Variants in NFATC1 observed in about 807,000 individuals in gnomAD.
The protein encoded by NFATC1 is nuclear factor of activated T-cells, cytoplasmic 1.
A neutral mutation model predicts 76.0 loss-of-function variants in NFATC1; 22 were observed. That is an observed-to-expected ratio of 0.29 (90% CI 0.21 to 0.41). NFATC1 has a LOEUF of 0.41. Among genes scored for constraint, NFATC1 ranks in the 10% least tolerant of loss-of-function variants. The pLI, the probability that NFATC1 is intolerant of heterozygous loss-of-function variation, is 1.00. For missense variants in NFATC1, 1,357 were observed against 1,337.7 expected, an observed-to-expected ratio of 1.01 and a Z score of -0.23; for synonymous variants, 704 against 613.1, an observed-to-expected ratio of 1.15 and a Z score of -2.19.
intron 1 of NFATC1, among the ~76,000 whole-genome samples, chr18:79,401,245 C>T (rs1311844535): frequency 6.6e-6 from 1 of 151,530 alleles, no homozygotes; most frequent in Non-Finnish European, 1.5e-5. Context: ...ATTCTCAAGG[C>T]CTCGTGTCTG....
rs540606473 is a variant in NFATC1 at position 79,424,507 on chromosome 18, CTCTG to C, written c.1227-9064_1227-9061del. 3.0e-3 allele frequency among the ~76,000 whole-genome samples: 451 copies of C among 152,140 alleles called. 1 individual carries two copies. Among genetic ancestry groups the C allele is most frequent in the African/African-American group, 9.7e-3 (404 of 41,502 alleles). On this transcript the variant is annotated intron_variant, in intron 2 of 9. Transcript: ENST00000427363. The stretch of plus-strand genomic sequence containing the variant: ...TCTCTCCATCTCTGTCTCTCTCCGT[CTCTG>C]TCTGTCTCTCCATCTCTGTCTCCCT...
At chr18:79,453,775 A>G (rs73969277) in intron 6 of NFATC1, among the ~76,000 whole-genome samples, 4,130 of 152,330 alleles carry the variant, frequency 0.027, 163 homozygotes, top group African/African-American at 0.095. Flanking sequence ...CCACGTTGAT[A>G]ATTTTATTCT....
intron 8 of NFATC1, chr18:79,469,966 G>A (rs909964427): frequency 2.3e-5 from 23 of 985,484 alleles, no homozygotes; most frequent in East Asian, 1.1e-4. Flanking sequence ...GGCCTACCTC[G>A]AGGCCACTGT....
In NFATC1 at chr18:79,410,641, A is replaced by C; in HGVS notation, c.366A>C (p.Ile122=). 1 of 1,613,122 alleles carries C rather than the reference A, an allele frequency of 6.2e-7. No individual in the cohort carries two copies. Among genetic ancestry groups the C allele is most frequent in the South Asian group, 1.1e-5 (1 of 91,078 alleles). The change falls in exon 2 of 10, where the codon ATA becomes ATC. Residue 122 remains isoleucine, a synonymous_variant. Coordinates refer to ENST00000427363, the MANE Select transcript of NFATC1 (RefSeq NM_001278669.2). The surrounding 1 kb of genome is among the most constrained non-coding windows in gnomAD (Gnocchi z 6.7). The part of the protein sequence containing the change: ...APALESPRIE[I]TSCLGLYHNN... ...CCCTGGAGAGTCCTCGCATCGAGAT[A>C]ACCTCGTGCTTGGGCCTGTACCACA...
At chr18:79,510,838 GGGGCATCCTCTGC>G (rs2090228010) in intron 9 of NFATC1, among the ~76,000 whole-genome samples, 1 of 149,242 alleles carries the variant, frequency 6.7e-6, no homozygotes, top group Non-Finnish European at 1.5e-5. Flanking sequence ...ATCCTCTGCC[GGGGCATCCTCTGC>G]CGGGGCATCC....
At chr18:79,451,593 C>G (rs1381175617) in intron 5 of NFATC1, 83 bp from the exon 6 acceptor site, 3 of 1,396,204 alleles carry the variant, frequency 2.1e-6, no homozygotes, top group Non-Finnish European at 2.8e-6. Context: ...GGTCGGCTCA[C>G]GTGTGACCTG....
chr18:79,454,489 G>A (rs776771020), intron 6 of NFATC1, among the ~76,000 whole-genome samples: 8 of 152,220 alleles, frequency 5.3e-5, no homozygotes, highest in Non-Finnish European at 7.3e-5. Context: ...TGCATTGCGG[G>A]GAGCCGGCCG....
intron 1 of NFATC1, among the ~76,000 whole-genome samples, 171 bp downstream of exon 1, chr18:79,396,522 C>T (rs922235139): frequency 6.6e-6 from 1 of 152,066 alleles, no homozygotes; most frequent in African/African-American, 2.4e-5. Flanking sequence ...CGGCGTCCCC[C>T]AGCTCCCAGC....
intron 6 of NFATC1, among the ~76,000 whole-genome samples, chr18:79,454,719 G>A (rs368076865): frequency 1.2e-4 from 18 of 152,304 alleles, no homozygotes; most frequent in African/African-American, 3.8e-4. Flanking sequence ...ATGAAAATCT[G>A]TGAGGAATGT....
intron 7 of NFATC1, 140 bp from the exon 8 acceptor site, chr18:79,467,310 G>A: frequency 1.3e-6 from 1 of 769,670 alleles, no homozygotes; most frequent in South Asian, 1.7e-5. Flanking sequence ...GAAACGCGGG[G>A]TTGCCGTGTG....
chr18:79,467,411 C>T (rs762464801), intron 7 of NFATC1, 39 bp from the exon 8 acceptor site: 14 of 1,521,080 alleles, frequency 9.2e-6, no homozygotes, highest in Admixed American at 4.1e-5. Context: ...ATCGCCTGCC[C>T]GGTGCTGATT....
At chr18:79,431,207 T>G (rs2086577197) in intron 2 of NFATC1, among the ~76,000 whole-genome samples, 1 of 152,242 alleles carries the variant, frequency 6.6e-6, no homozygotes, top group Admixed American at 6.5e-5. Context: ...CAAATTACTA[T>G]GAAGCTTCCA....
intron 2 of NFATC1, among the ~76,000 whole-genome samples, chr18:79,429,078 C>G (rs1396525160): frequency 6.6e-6 from 1 of 151,912 alleles, no homozygotes; most frequent in Non-Finnish European, 1.5e-5. Flanking sequence ...AAAAATTAGC[C>G]GGTGTGGTGG....
At chr18:79,425,007 GTC>G (rs956941346) in intron 2 of NFATC1, among the ~76,000 whole-genome samples, 2 of 141,118 alleles carry the variant, frequency 1.4e-5, no homozygotes, top group Non-Finnish European at 3.1e-5. Context: ...CTCTGTGTCT[GTC>G]TCTCTCTCTG....
chr18:79,514,910 A>G (rs540417319), intron 9 of NFATC1, among the ~76,000 whole-genome samples: 19 of 152,058 alleles, frequency 1.2e-4, no homozygotes, highest in Admixed American at 1.0e-3. Flanking sequence ...CAGGCATGGT[A>G]GCATGCACCT....
intron 2 of NFATC1, among the ~76,000 whole-genome samples, chr18:79,427,427 G>A (rs2086391397): frequency 3.0e-5 from 4 of 133,258 alleles, no homozygotes; most frequent in East Asian, 2.2e-4. Context: ...CTGTGCGGTG[G>A]GTGGGGGGGA....
chr18:79,427,460 GGTGGGTGGGGGCTGTACCA>G (rs2086397134), intron 2 of NFATC1, among the ~76,000 whole-genome samples: 2 of 86,498 alleles, frequency 2.3e-5, no homozygotes, highest in Admixed American at 1.1e-4. Flanking sequence ...GCCTCTGTGC[GGTGGGTGGGGGCTGTACCA>G]CTGGCCTCTG....
chr18:79,442,324 C>T (rs554894295), intron 3 of NFATC1, among the ~76,000 whole-genome samples: 13 of 152,344 alleles, frequency 8.5e-5, no homozygotes, highest in African/African-American at 2.9e-4. Flanking sequence ...CTCGCCGAGG[C>T]GTCGGTCCTG....
chr18:79,415,105 G>A (rs2085832341), intron 2 of NFATC1, among the ~76,000 whole-genome samples: 1 of 152,126 alleles, frequency 6.6e-6, no homozygotes, highest in African/African-American at 2.4e-5. Flanking sequence ...TTGGGCATCA[G>A]CCTCTGGAAA....
Sources: allele counts gnomAD v4.1 joint callset (sites outside exome capture counted in the v4.1 genomes callset), GRCh38; gene constraint gnomAD v4.1.1; non-coding constraint Gnocchi (gnomAD v3.1); transcripts MANE v1.5; gene names NCBI Gene and HGNC (gene_info 2026-07-23, HGNC 2026-07-21).